Variants in TNS3 observed in about 807,000 individuals in gnomAD.
TNS3 encodes the protein tensin-3.
Under a neutral mutation model 140.9 loss-of-function variants are expected in TNS3, and 45 were observed. That is an observed-to-expected ratio of 0.32 (90% CI 0.25 to 0.41). The LOEUF is 0.41. Among genes scored for constraint, TNS3 ranks in the 10% least tolerant of loss-of-function variants. TNS3 has a pLI of 1.00. For synonymous variants in TNS3, 815 were observed against 788.4 expected, an observed-to-expected ratio of 1.03 and a Z score of -0.56; for missense variants, 1,716 against 1,906.7, an observed-to-expected ratio of 0.90 and a Z score of 1.86.
intron 15 of TNS3, among the ~76,000 whole-genome samples, chr7:47,398,734 T>C (rs1306876795): frequency 6.6e-6 from 1 of 152,014 alleles, no homozygotes; most frequent in Non-Finnish European, 1.5e-5. Context: ...TGGGGAAAGG[T>C]TGAAAGCATT....
chr7:47,436,800 ATGC>A (rs991531823), intron 7 of TNS3, among the ~76,000 whole-genome samples: 6 of 152,146 alleles, frequency 3.9e-5, no homozygotes, highest in Non-Finnish European at 8.8e-5. Context: ...GATTTGTTCC[ATGC>A]ATATATATAT....
Position 47,400,464 on chromosome 7 carries a change from A to G in TNS3, c.854-6T>C. The G allele has an allele frequency of 1.9e-6, 3 of 1,613,988 alleles. 1 individual carries two copies. The highest frequency in any genetic ancestry group is 2.5e-6 in the Non-Finnish European group (3 of 1,179,838). Reference sequence around the variant, plus strand: ...ATAGTCAGGAAAACGGTCATCTGAAAAAAACAATGTATTTTAACACATTTG... The same window carrying G: ...ATAGTCAGGAAAACGGTCATCTGAAGAAAACAATGTATTTTAACACATTTG... On this transcript the variant is annotated splice_polypyrimidine_tract_variant and splice_region_variant and intron_variant, in intron 14 of 30. Transcript: ENST00000311160.
chr7:47,468,135 C>T (rs972213303), intron 4 of TNS3, among the ~76,000 whole-genome samples: 5 of 152,028 alleles, frequency 3.3e-5, no homozygotes, highest in Admixed American at 1.3e-4. Context: ...CACAGTGAAA[C>T]CCCATCTCTA....
chr7:47,369,071 A>C lies in TNS3; in HGVS notation c.1575T>G (p.Phe525Leu), dbSNP rs767651949. Residue 525 changes from phenylalanine (F) to leucine (L), a missense_variant, in exon 17 of 31, where the codon TTT becomes TTG. This residue lies in a region of TNS3 where 1,163 missense variants were observed against 1,182.1 expected (regional missense o/e 0.98). Transcript: ENST00000311160. Reference protein sequence around the residue: ...SSQNSLLSDGFGSNVGEDPQG... With the variant: ...SSQNSLLSDGLGSNVGEDPQG... ...GCGGATCTTCACCAACGTTGCTGCC[A>C]AAACCGTCAGATAGGAGTGAGTTCT... 4 of 1,613,988 alleles carry C rather than the reference A, an allele frequency of 2.5e-6. No homozygotes were observed. In the African/African-American group the frequency reaches 4.0e-5, roughly 16 times the overall value.
chr7:47,304,714 C>T, intron 21 of TNS3, 118 bp downstream of exon 21: 1 of 1,082,936 alleles, frequency 9.2e-7, no homozygotes, highest in Non-Finnish European at 1.2e-6. Flanking sequence ...CAGGCCAGTC[C>T]CTGCCTGGTC....
chr7:47,340,360 A>G (rs2150970279), intron 20 of TNS3, among the ~76,000 whole-genome samples: 1 of 151,022 alleles, frequency 6.6e-6, no homozygotes, highest in South Asian at 2.1e-4. Flanking sequence ...TGACCTCGTG[A>G]TCTGCCCACC....
chr7:47,420,774 C>T (rs1430132805), intron 10 of TNS3, among the ~76,000 whole-genome samples: 3 of 152,236 alleles, frequency 2.0e-5, no homozygotes, highest in African/African-American at 4.8e-5. Flanking sequence ...AAACTTGTCT[C>T]TGTCTCTTTT....
chr7:47,406,054 C>T (rs1479861230), intron 13 of TNS3, among the ~76,000 whole-genome samples: 3 of 152,174 alleles, frequency 2.0e-5, no homozygotes, highest in African/African-American at 4.8e-5. Context: ...AGCCCGCTGC[C>T]CGCATGAATT....
intron 1 of TNS3, among the ~76,000 whole-genome samples, chr7:47,559,356 A>T (rs548573996): frequency 6.6e-6 from 1 of 152,160 alleles, no homozygotes; most frequent in Non-Finnish European, 1.5e-5. Flanking sequence ...TCTCACAAAA[A>T]ATAAATAAAT....
intron 1 of TNS3, among the ~76,000 whole-genome samples, chr7:47,573,713 C>T (rs1800610717): frequency 6.6e-6 from 1 of 152,192 alleles, no homozygotes; most frequent in Admixed American, 6.5e-5. Flanking sequence ...GGCCTGCAGG[C>T]CTGCCCGGCC....
chr7:47,389,004 AAGAAGAAGAAGAAGAAG>A (rs1792258442), intron 16 of TNS3, among the ~76,000 whole-genome samples: 2,467 of 56,796 alleles, frequency 0.043, 499 homozygotes, highest in South Asian at 0.066. Context: ...AAGAAGAAGG[AAGAAGAAGAAGAAGAAG>A]AAGAAGAAGA....
chr7:47,346,525 G>A (rs1433520886), intron 17 of TNS3, among the ~76,000 whole-genome samples, 169 bp from the exon 18 acceptor site: 1 of 152,238 alleles, frequency 6.6e-6, no homozygotes, highest in Non-Finnish European at 1.5e-5. Context: ...GGGAAACCCA[G>A]GGCATTCTCA....
At position 47,389,193 on chromosome 7, in the gene TNS3, A is replaced by C. The variant is rs560520916; in HGVS notation, c.1024+7607T>G. 2.1e-3 allele frequency among the ~76,000 whole-genome samples: 275 copies of C among 131,236 alleles called. 30 individuals are homozygous for C. The highest frequency in any genetic ancestry group is 7.2e-3 in the African/African-American group (256 of 35,586). The allele number at this position is 131,236 out of a possible 152,430, so 86.1% of individuals were successfully genotyped here. ...GCAGAAGCAGAAGAAGCAGAAGAAG[A>C]AGAAGAAGAAGAAGAGGGAGAAGAC... On this transcript the variant is annotated intron_variant, in intron 16 of 30. Coordinates refer to ENST00000311160, the MANE Select transcript of TNS3 (RefSeq NM_022748.12).
chr7:47,484,978 A>G (rs1204385821), intron 3 of TNS3, among the ~76,000 whole-genome samples: 1 of 152,202 alleles, frequency 6.6e-6, no homozygotes. Context: ...GAGAGCAGCC[A>G]CCCAACGCTG....
intron 4 of TNS3, among the ~76,000 whole-genome samples, chr7:47,456,706 C>T (rs1243350888): frequency 3.9e-5 from 6 of 152,082 alleles, no homozygotes; most frequent in Middle Eastern, 3.2e-3. Context: ...AGGACCAGCA[C>T]GTATAGGTGC....
chr7:47,545,457 T>C (rs1390066465), intron 1 of TNS3, among the ~76,000 whole-genome samples: 1 of 152,070 alleles, frequency 6.6e-6, no homozygotes, highest in Non-Finnish European at 1.5e-5. Context: ...TCTCTGTTAC[T>C]GTTTGATGTG....
At chr7:47,320,609 T>G (rs758641345) in intron 20 of TNS3, among the ~76,000 whole-genome samples, 1 of 152,202 alleles carries the variant, frequency 6.6e-6, no homozygotes, top group Non-Finnish European at 1.5e-5. Context: ...CTTCCCTCTG[T>G]GTGTCTGTGT....
intron 16 of TNS3, among the ~76,000 whole-genome samples, chr7:47,371,368 A>C (rs1791063057): frequency 6.6e-6 from 1 of 152,158 alleles, no homozygotes; most frequent in Non-Finnish European, 1.5e-5. Flanking sequence ...ATCTATAAGG[A>C]ACTGAGGATC....
rs1793616206 is a variant in TNS3, at chr7:47,409,180, G to GGGAGAGAAGAGA, written c.723+2535_723+2546dup. Among the ~76,000 whole-genome samples the GGGAGAGAAGAGA allele has an allele frequency of 5.3e-5, 8 of 152,254 alleles. No individual in the cohort carries two copies. In the South Asian group the frequency reaches 1.7e-3, roughly 32 times the overall value. The stretch of plus-strand genomic sequence containing the variant: ...AGGGAGAAGTTTGTAAAGGCAGGGT[G>GGGAGAGAAGAGA]GGAGAGAAGAGAGGGGAGAAGAGAA... On this transcript the variant is annotated intron_variant, in intron 13 of 30. Coordinates refer to ENST00000311160, the MANE Select transcript of TNS3 (RefSeq NM_022748.12).
Sources: gnomAD v4.1 joint callset for allele counts (sites outside exome capture counted in the v4.1 genomes callset) on GRCh38, gnomAD v4.1.1 for gene constraint, gnomAD v4.1.1 regional missense constraint, MANE v1.5 for transcripts, NCBI Gene and HGNC (gene_info 2026-07-23, HGNC 2026-07-21) for gene names.